UNC79: variants seen among roughly 807,000 people sequenced by gnomAD.
UNC79 encodes protein unc-79 homolog.
Under a neutral mutation model 283.1 loss-of-function variants are expected in UNC79, and 37 were observed. That is an observed-to-expected ratio of 0.13 (90% CI 0.10 to 0.17). The LOEUF is 0.17. Among genes scored for constraint, UNC79 ranks in the 10% least tolerant of loss-of-function variants. The pLI, the probability that UNC79 is intolerant of heterozygous loss-of-function variation, is 1.00. For missense variants in UNC79, 2,272 were observed against 3,211.1 expected, an observed-to-expected ratio of 0.71 and a Z score of 7.07; for synonymous variants, 1,107 against 1,200.2, an observed-to-expected ratio of 0.92 and a Z score of 1.61.
intron 31 of UNC79, among the ~76,000 whole-genome samples, chr14:93,631,601 A>G (rs1457130110): frequency 6.6e-6 from 1 of 152,224 alleles, no homozygotes; most frequent in African/African-American, 2.4e-5. Flanking sequence ...CATAGATGCA[A>G]TTTCTATAAA....
At chr14:93,533,594 G>T (rs987265730) in intron 11 of UNC79, among the ~76,000 whole-genome samples, 1 of 152,100 alleles carries the variant, frequency 6.6e-6, no homozygotes, top group African/African-American at 2.4e-5. Context: ...ATGTCTCATC[G>T]TCCAGGGGCT....
chr14:93,345,645 C>T (rs1290669072), intron 1 of UNC79, among the ~76,000 whole-genome samples: 2 of 151,830 alleles, frequency 1.3e-5, no homozygotes, highest in Admixed American at 6.6e-5. Flanking sequence ...AGGGACAAAA[C>T]GTTGATGAGT....
chr14:93,626,121 C>A (rs1456032634), intron 30 of UNC79, among the ~76,000 whole-genome samples: 1 of 152,188 alleles, frequency 6.6e-6, no homozygotes, highest in East Asian at 1.9e-4. Flanking sequence ...TCAACTGGGT[C>A]CTTCAACCTG....
At chr14:93,532,603 T>A (rs905934266) in intron 11 of UNC79, 25 bp downstream of exon 11, 7 of 1,609,434 alleles carry the variant, frequency 4.3e-6, no homozygotes, top group Non-Finnish European at 5.1e-6. Flanking sequence ...TTTGTGTCGT[T>A]GGGGCATGAT....
chr14:93,620,528 G>A (rs184031633), intron 29 of UNC79, among the ~76,000 whole-genome samples: 1 of 152,186 alleles, frequency 6.6e-6, no homozygotes, highest in Non-Finnish European at 1.5e-5. Context: ...TCCACGCAAA[G>A]CAGACAAGTC....
intron 14 of UNC79, among the ~76,000 whole-genome samples, chr14:93,558,254 CT>C (rs1319084558): frequency 1.3e-5 from 2 of 152,110 alleles, no homozygotes; most frequent in African/African-American, 4.8e-5. Flanking sequence ...CATCTTTTTT[CT>C]CATTAATCAA....
chr14:93,355,267 C>T (rs2054063387), intron 1 of UNC79, among the ~76,000 whole-genome samples: 2 of 152,024 alleles, frequency 1.3e-5, no homozygotes, highest in East Asian at 1.9e-4. Context: ...GTTCTCAGCT[C>T]ACTCACTGCA....
chr14:93,355,070 C>T (rs1241285645), intron 1 of UNC79, among the ~76,000 whole-genome samples: 1 of 151,488 alleles, frequency 6.6e-6, no homozygotes, highest in East Asian at 1.9e-4. Context: ...CTCTTATCAC[C>T]CAGGCTGGGA....
intron 14 of UNC79, among the ~76,000 whole-genome samples, chr14:93,552,596 AATT>A (rs1276432618): frequency 6.6e-6 from 1 of 152,218 alleles, no homozygotes; most frequent in Non-Finnish European, 1.5e-5. Flanking sequence ...ATCAAAGACA[AATT>A]ATTGTAGGAT....
intron 7 of UNC79, 114 bp downstream of exon 7, chr14:93,497,400 G>T: frequency 7.6e-7 from 1 of 1,324,378 alleles, no homozygotes; most frequent in Non-Finnish European, 9.9e-7. Flanking sequence ...TATGCCTTTG[G>T]ACATGGTCAT....
At chr14:93,600,737 T>A in exon 25 of UNC79, 1 of 1,613,762 alleles carries the variant, frequency 6.2e-7, no homozygotes, top group Non-Finnish European at 8.5e-7. Flanking sequence ...CCAGCTACAT[T>A]TGGATTGTAA....
chr14:93,641,867 C>T (rs1052572181), intron 33 of UNC79, among the ~76,000 whole-genome samples: 1 of 152,056 alleles, frequency 6.6e-6, no homozygotes, highest in East Asian at 1.9e-4. Context: ...GGGGCAGTTT[C>T]CCCCATACTG....
chr14:93,532,600 C>T (rs370679160), intron 11 of UNC79, 22 bp downstream of exon 11: 264 of 1,609,080 alleles, frequency 1.6e-4, no homozygotes, highest in Admixed American at 3.2e-4. Context: ...CCATTTGTGT[C>T]GTTGGGGCAT....
exon 1 of UNC79, chr14:93,333,240 G>GT: frequency 2.5e-6 from 1 of 401,828 alleles, no homozygotes; most frequent in Non-Finnish European, 4.4e-6. Flanking sequence ...TCGGCTGGGA[G>GT]CCGGGCGTCG....
chr14:93,678,983 G>T (rs1436340580), intron 41 of UNC79, among the ~76,000 whole-genome samples: 1 of 152,118 alleles, frequency 6.6e-6, no homozygotes, highest in Admixed American at 6.5e-5. Context: ...ATCTATTGAC[G>T]TTTTTGCTTT....
At chr14:93,511,170 C>T (rs1426953329) in intron 7 of UNC79, among the ~76,000 whole-genome samples, 1 of 152,126 alleles carries the variant, frequency 6.6e-6, no homozygotes, top group Admixed American at 6.6e-5. Context: ...ATTATGAGAA[C>T]AGCAAAGGGG....
intron 7 of UNC79, among the ~76,000 whole-genome samples, chr14:93,497,853 G>A (rs372669681): frequency 6.6e-6 from 1 of 152,034 alleles, no homozygotes; most frequent in African/African-American, 2.4e-5. Flanking sequence ...GGGCGTGGTG[G>A]TGCACGACTG....
chr14:93,556,378 A>T (rs1223569217), intron 14 of UNC79, among the ~76,000 whole-genome samples: 1 of 152,250 alleles, frequency 6.6e-6, no homozygotes, highest in African/African-American at 2.4e-5. Flanking sequence ...GCTATTGCAC[A>T]TTAAGATTCA....
chr14:93,370,697 G>A (rs1002377088), intron 1 of UNC79, among the ~76,000 whole-genome samples: 6 of 152,038 alleles, frequency 3.9e-5, no homozygotes, highest in Non-Finnish European at 7.4e-5. Context: ...ACTTGAACCC[G>A]GGAGGTGGAG....
Sources: allele counts gnomAD v4.1 joint callset (sites outside exome capture counted in the v4.1 genomes callset), GRCh38; gene constraint gnomAD v4.1.1; transcripts MANE v1.5; gene names NCBI Gene and HGNC (gene_info 2026-07-23, HGNC 2026-07-21).